Variants in ARHGAP24 observed in about 807,000 individuals in gnomAD.
The protein encoded by ARHGAP24 is Rho GTPase activating protein 24, also known as rho GTPase-activating protein 24.
ARHGAP24 carries 50 observed loss-of-function variants against 76.4 expected under a neutral mutation model. The ratio of observed to expected loss-of-function variants is 0.65; its 90% CI spans 0.52 to 0.83. The LOEUF (loss-of-function observed/expected upper bound fraction) is 0.83. Ranked by LOEUF, ARHGAP24 falls within the 40% of genes least tolerant of loss-of-function variation. ARHGAP24 has a pLI of 0.00. For missense variants in ARHGAP24, 930 were observed against 914.2 expected, an observed-to-expected ratio of 1.02 and a Z score of -0.22; for synonymous variants, 345 against 323.3, an observed-to-expected ratio of 1.07 and a Z score of -0.72.
chr4:85,814,343 C>T (rs10023599), intron 3 of ARHGAP24, among the ~76,000 whole-genome samples: 1,795 of 152,268 alleles, frequency 0.012, 40 homozygotes, highest in African/African-American at 0.041. Flanking sequence ...AGTCCAAAGT[C>T]TCATCTGAGA....
At chr4:85,516,526 A>G (rs147778180) in intron 1 of ARHGAP24, among the ~76,000 whole-genome samples, 2 of 152,106 alleles carry the variant, frequency 1.3e-5, no homozygotes, top group African/African-American at 4.8e-5. Context: ...TCATAATTTT[A>G]ATTTCTCTTA....
At chr4:85,565,355 A>G (rs1264081871) in intron 1 of ARHGAP24, among the ~76,000 whole-genome samples, 1 of 152,148 alleles carries the variant, frequency 6.6e-6, no homozygotes. Context: ...AAGTCCCACA[A>G]ATCTCTCATA....
At chr4:85,883,748 A>G (rs1023934796) in intron 3 of ARHGAP24, among the ~76,000 whole-genome samples, 1 of 152,190 alleles carries the variant, frequency 6.6e-6, no homozygotes, top group East Asian at 1.9e-4. Flanking sequence ...CCAAACACAC[A>G]GACAGATGTT....
At chr4:85,667,779 AT>A (rs1722690171) in intron 2 of ARHGAP24, among the ~76,000 whole-genome samples, 1 of 152,250 alleles carries the variant, frequency 6.6e-6, no homozygotes, top group African/African-American at 2.4e-5. Flanking sequence ...TGAAAGCCAA[AT>A]AAAAATCTAT....
intron 3 of ARHGAP24, among the ~76,000 whole-genome samples, chr4:85,911,057 G>A (rs1437671887): frequency 6.6e-6 from 1 of 152,188 alleles, no homozygotes; most frequent in East Asian, 1.9e-4. Context: ...GGGCAGGAGG[G>A]CCTTCCTGGG....
chr4:85,806,672 T>C (rs1279878564), intron 3 of ARHGAP24, among the ~76,000 whole-genome samples: 1 of 152,128 alleles, frequency 6.6e-6, no homozygotes, highest in Non-Finnish European at 1.5e-5. Context: ...AGTTAAGAAA[T>C]AAAGATGTTC....
At position 85,972,028 on chromosome 4, in the gene ARHGAP24, C is replaced by T. The variant is rs202210117; in HGVS notation, c.600-8C>T. 25 of 1,613,970 alleles carry T rather than the reference C, an allele frequency of 1.5e-5. No individual in the cohort carries two copies. The highest frequency in any genetic ancestry group is 2.0e-5 in the Non-Finnish European group (24 of 1,179,942). On this transcript the variant is annotated splice_polypyrimidine_tract_variant and splice_region_variant and intron_variant, in intron 5 of 9. Coordinates refer to ENST00000395184, the MANE Select transcript of ARHGAP24 (RefSeq NM_001025616.3). ...CCAAAGAATATCTTCACACTTCTGTCTCCACAGCAACACAGATGTACACAC... is the reference window on the plus strand; with the variant it reads ...CCAAAGAATATCTTCACACTTCTGTTTCCACAGCAACACAGATGTACACAC...
chr4:85,520,262 A>G (rs1225916899), intron 1 of ARHGAP24, among the ~76,000 whole-genome samples: 1 of 152,088 alleles, frequency 6.6e-6, no homozygotes, highest in African/African-American at 2.4e-5. Flanking sequence ...CCATAAATCC[A>G]AGTGCCCAGG....
At chr4:85,477,310 G>A (rs551616933) in intron 1 of ARHGAP24, among the ~76,000 whole-genome samples, 6 of 152,228 alleles carry the variant, frequency 3.9e-5, no homozygotes, top group African/African-American at 1.4e-4. Context: ...TTTGAGATGA[G>A]GTGGTTTCTC....
At chr4:85,797,753 C>T (rs1385960534) in intron 3 of ARHGAP24, among the ~76,000 whole-genome samples, 1 of 152,182 alleles carries the variant, frequency 6.6e-6, no homozygotes, top group Admixed American at 6.5e-5. Flanking sequence ...TGAATTGTGC[C>T]ACATGGCATC....
In ARHGAP24 at chr4:85,570,622, G is replaced by A. The variant is rs771723690; in HGVS notation, c.81G>A (p.Arg27=). The change falls in exon 2 of 10, where the codon AGG becomes AGA. Residue 27 remains arginine, a synonymous_variant. Transcript: ENST00000395184. ...RQNAIKCGWL[R]KQGGFVKTWH... ...ATGCCATCAAGTGTGGGTGGCTGAG[G>A]AAGCAAGGAGGCTTTGTCAAGACTT... The A allele has an allele frequency of 2.5e-6, 4 of 1,614,108 alleles. No homozygotes were observed. The Admixed American group carries it at 6.7e-5, about 27-fold the overall frequency.
At chr4:85,550,695 T>G (rs1018705892) in intron 1 of ARHGAP24, among the ~76,000 whole-genome samples, 2 of 152,244 alleles carry the variant, frequency 1.3e-5, no homozygotes, top group African/African-American at 4.8e-5. Context: ...GGAATGTTTT[T>G]CCATTTATTT....
intron 3 of ARHGAP24, among the ~76,000 whole-genome samples, chr4:85,848,819 T>C (rs973279252): frequency 1.5e-4 from 23 of 152,230 alleles, no homozygotes; most frequent in Non-Finnish European, 2.8e-4. Context: ...TCTGTTTTGG[T>C]ACCAGTACCA....
At chr4:85,852,681 T>C (rs1222801886) in intron 3 of ARHGAP24, among the ~76,000 whole-genome samples, 1 of 152,224 alleles carries the variant, frequency 6.6e-6, no homozygotes, top group Non-Finnish European at 1.5e-5. Context: ...TCCTTTCTGT[T>C]TGTTAGTTTT....
chr4:85,507,953 A>C (rs1450417849), intron 1 of ARHGAP24, among the ~76,000 whole-genome samples: 1 of 152,178 alleles, frequency 6.6e-6, no homozygotes, highest in African/African-American at 2.4e-5. Context: ...TGATTAAATC[A>C]ACTTAGATGA....
intron 5 of ARHGAP24, among the ~76,000 whole-genome samples, chr4:85,956,604 C>G (rs1737914999): frequency 6.6e-6 from 1 of 151,872 alleles, no homozygotes; most frequent in Non-Finnish European, 1.5e-5. Context: ...GGTCATAGCT[C>G]TATTAGAAGC....
chr4:85,595,274 G>A (rs970954984), intron 2 of ARHGAP24, among the ~76,000 whole-genome samples: 3 of 152,056 alleles, frequency 2.0e-5, no homozygotes, highest in South Asian at 4.1e-4. Flanking sequence ...AGTTCCTGTC[G>A]GAAATGAGTA....
chr4:85,905,889 C>G (rs902527567), intron 3 of ARHGAP24, among the ~76,000 whole-genome samples: 4 of 152,016 alleles, frequency 2.6e-5, no homozygotes, highest in Non-Finnish European at 4.4e-5. Context: ...TTTGTTTCAC[C>G]TTGGTTTGTT....
At chr4:85,960,058 G>T (rs926563490) in intron 5 of ARHGAP24, among the ~76,000 whole-genome samples, 4 of 152,242 alleles carry the variant, frequency 2.6e-5, no homozygotes, top group Admixed American at 2.6e-4. Flanking sequence ...AGTTAAGTCA[G>T]CAAGTTGTTG....
Sources: allele counts gnomAD v4.1 joint callset (sites outside exome capture counted in the v4.1 genomes callset), GRCh38; gene constraint gnomAD v4.1.1; transcripts MANE v1.5; gene names NCBI Gene and HGNC (gene_info 2026-07-23, HGNC 2026-07-21).